GRID2: variants seen among roughly 807,000 people sequenced by gnomAD.
The protein encoded by GRID2 is glutamate ionotropic receptor delta type subunit 2.
In GRID2, 33 loss-of-function variants were observed where a neutral mutation model predicts 114.8. The observed-to-expected ratio is 0.29, with a 90% confidence interval of 0.22 to 0.38. The LOEUF (loss-of-function observed/expected upper bound fraction) is 0.38, where lower values mean the gene tolerates loss of function less well. Ranked by LOEUF, GRID2 falls within the 10% of genes least tolerant of loss-of-function variation. The pLI, the probability that GRID2 is intolerant of heterozygous loss-of-function variation, is 1.00. For missense variants in GRID2, 1,184 were observed against 1,257.7 expected (o/e 0.94, Z 0.89); for synonymous variants, 505 against 449.9 (o/e 1.12, Z -1.55).
At chr4:93,179,584 T>G (rs917689475) in intron 4 of GRID2, among the ~76,000 whole-genome samples, 1 of 152,086 alleles carries the variant, frequency 6.6e-6, no homozygotes, top group African/African-American at 2.4e-5. Context: ...AATAACTAAG[T>G]TCCATTAAGT....
intron 1 of GRID2, among the ~76,000 whole-genome samples, chr4:92,395,441 A>G (rs903602167): frequency 6.6e-6 from 1 of 151,770 alleles, no homozygotes; most frequent in African/African-American, 2.4e-5. Context: ...GAAACCCTTC[A>G]TTACTTAATA....
chr4:92,617,680 T>C (rs954854765), intron 2 of GRID2, among the ~76,000 whole-genome samples: 7 of 151,734 alleles, frequency 4.6e-5, no homozygotes, highest in Non-Finnish European at 8.9e-5. Flanking sequence ...TTATTTTTTG[T>C]TATTTTGATA....
At position 93,022,505 on chromosome 4, in the gene GRID2, A is replaced by G. The variant is rs906468844; in HGVS notation, c.245-62490A>G. Among the ~76,000 whole-genome samples the G allele has an allele frequency of 3.4e-4, 52 of 151,980 alleles. 1 individual carries two copies. ...TGTTGTAATGAATGTTTTAGATCAT[A>G]AATCTTTGCAATATTTTCTAGGAAT... is the stretch of plus-strand genomic sequence containing the variant. On this transcript the variant is annotated intron_variant, in intron 2 of 15. Coordinates refer to ENST00000282020, the MANE Select transcript of GRID2 (RefSeq NM_001510.4).
chr4:93,705,068 A>T (rs1727872452), intron 14 of GRID2, among the ~76,000 whole-genome samples: 2 of 152,130 alleles, frequency 1.3e-5, no homozygotes, highest in South Asian at 4.1e-4. Context: ...CATTCCCGCT[A>T]ACAGTGTACA....
intron 8 of GRID2, among the ~76,000 whole-genome samples, chr4:93,372,274 A>G (rs779523667): frequency 6.6e-6 from 1 of 152,198 alleles, no homozygotes; most frequent in Non-Finnish European, 1.5e-5. Context: ...TTAATTTTGA[A>G]TTGGGTCTTC....
intron 8 of GRID2, among the ~76,000 whole-genome samples, chr4:93,276,038 C>G (rs2149577274): frequency 6.6e-6 from 1 of 151,840 alleles, no homozygotes; most frequent in African/African-American, 2.4e-5. Context: ...ACCCAAGGTC[C>G]CAAAACTTTT....
At chr4:92,961,379 ATT>A (rs34933712) in intron 2 of GRID2, among the ~76,000 whole-genome samples, 28 of 137,582 alleles carry the variant, frequency 2.0e-4, no homozygotes, top group Admixed American at 3.7e-4. Context: ...ATCCCCTCAA[ATT>A]TTTTTTTTTT....
At chr4:93,326,534 T>C (rs1757855342) in intron 8 of GRID2, among the ~76,000 whole-genome samples, 1 of 152,046 alleles carries the variant, frequency 6.6e-6, no homozygotes, top group South Asian at 2.1e-4. Flanking sequence ...GAGAGTAAAC[T>C]TCTCCAATAG....
At position 93,772,478 on chromosome 4, in the gene GRID2, G is replaced by T. The variant is rs774244692; in HGVS notation, c.3004G>T (p.Asp1002Tyr). The T allele has an allele frequency of 1.3e-6, 2 of 1,597,380 alleles. No homozygotes were observed. The highest frequency in any genetic ancestry group is 1.7e-6 in the Non-Finnish European group (2 of 1,171,276). The change falls in exon 16 of 16, where the codon GAC becomes TAC. Residue 1002 changes from aspartate (D) to tyrosine (Y), a missense_variant. Transcript: ENST00000282020. ...GGGGCTCAATCTGGGTAATGATCCA[G>T]ACCGAGGCACCTCCATATGAGCATC... is the stretch of plus-strand genomic sequence containing the variant. ...TLGLNLGNDP[D>Y]RGTSI
chr4:92,407,081 T>TAG (rs70940885), intron 1 of GRID2, among the ~76,000 whole-genome samples: 18 of 150,310 alleles, frequency 1.2e-4, no homozygotes, highest in African/African-American at 2.7e-4. Context: ...TGGCAGGAGA[T>TAG]AGAGAGAGAG....
chr4:93,084,864 G>C, intron 2 of GRID2, 131 bp from the exon 3 acceptor site: 1 of 649,370 alleles, frequency 1.5e-6, no homozygotes, highest in Non-Finnish European at 2.7e-6. Context: ...TCCTCATATC[G>C]AATGTTCCTT....
intron 2 of GRID2, among the ~76,000 whole-genome samples, chr4:92,617,961 A>G (rs1391961770): frequency 6.6e-6 from 1 of 151,574 alleles, no homozygotes; most frequent in Non-Finnish European, 1.5e-5. Flanking sequence ...TCCATTCTAT[A>G]GGTTGTCTTT....
At chr4:92,796,627 C>G (rs770314746) in intron 2 of GRID2, among the ~76,000 whole-genome samples, 1 of 151,808 alleles carries the variant, frequency 6.6e-6, no homozygotes, top group Non-Finnish European at 1.5e-5. Flanking sequence ...GCACTTTTGT[C>G]TGCATTAAAA....
At chr4:93,634,642 G>A (rs1721255169) in intron 14 of GRID2, among the ~76,000 whole-genome samples, 1 of 152,106 alleles carries the variant, frequency 6.6e-6, no homozygotes, top group South Asian at 2.1e-4. Context: ...CCAGCTTTGT[G>A]GGGCTCTGAG....
At chr4:93,630,821 A>G (rs1743174457) in intron 14 of GRID2, among the ~76,000 whole-genome samples, 1 of 152,200 alleles carries the variant, frequency 6.6e-6, no homozygotes, top group Non-Finnish European at 1.5e-5. Flanking sequence ...AAAAGCAATA[A>G]AATTGGAAAA....
chr4:92,584,710 A>G (rs1215556490), intron 1 of GRID2, among the ~76,000 whole-genome samples: 5 of 151,956 alleles, frequency 3.3e-5, no homozygotes, highest in African/African-American at 7.2e-5. Flanking sequence ...GTATATGTGT[A>G]TATGCACACA....
chr4:93,294,169 A>G (rs778695676), intron 8 of GRID2, among the ~76,000 whole-genome samples: 2 of 149,410 alleles, frequency 1.3e-5, no homozygotes, highest in South Asian at 2.1e-4. Flanking sequence ...GGAGGGATCA[A>G]TAAATTCCAA....
chr4:93,767,371 G>A (rs1733754569), intron 14 of GRID2, among the ~76,000 whole-genome samples: 1 of 152,116 alleles, frequency 6.6e-6, no homozygotes, highest in Admixed American at 6.5e-5. Context: ...TTTCTGGAAT[G>A]GAAGCTGGAA....
At position 92,916,363 on chromosome 4, in the gene GRID2, C is replaced by G. The variant is rs115368666; in HGVS notation, c.245-168632C>G. Among the ~76,000 whole-genome samples the G allele has an allele frequency of 4.8e-3, 722 of 151,790 alleles. 6 individuals carry two copies. Among genetic ancestry groups the G allele is most frequent in the African/African-American group, 0.016 (680 of 41,440 alleles). ...CTCTGTAATTTTAGAGAAACCGACA[C>G]TGTTTTTAAATTATACTTTAAGATT... On this transcript the variant is annotated intron_variant, in intron 2 of 15. Transcript: ENST00000282020.
Sources: allele counts gnomAD v4.1 joint callset (sites outside exome capture counted in the v4.1 genomes callset), GRCh38; gene constraint gnomAD v4.1.1; transcripts MANE v1.5; gene names NCBI Gene and HGNC (gene_info 2026-07-23, HGNC 2026-07-21).